PALLD: variants seen among roughly 807,000 people sequenced by gnomAD.
PALLD encodes the protein palladin, cytoskeletal associated protein.
A neutral mutation model predicts 123.5 loss-of-function variants in PALLD; 61 were observed. That is an observed-to-expected ratio of 0.49 (90% CI 0.40 to 0.61). PALLD has a LOEUF of 0.61. Among genes scored for constraint, PALLD ranks in the 20% least tolerant of loss-of-function variants. The pLI is 0.00. For synonymous variants in PALLD, 465 were observed against 496.4 expected, an observed-to-expected ratio of 0.94 and a Z score of 0.84; for missense variants, 1,273 against 1,377.0, an observed-to-expected ratio of 0.92 and a Z score of 1.20.
In PALLD at chr4:168,509,521, G is replaced by A. The variant is rs553830821; in HGVS notation, c.-82-1902G>A. Among the ~76,000 whole-genome samples the A allele has an allele frequency of 2.6e-3, 395 of 152,114 alleles. 2 individuals are homozygous for A. The highest frequency in any genetic ancestry group is 4.1e-3 in the Non-Finnish European group (282 of 68,000). The stretch of plus-strand genomic sequence containing the variant: ...CTGAATATAATTGTTCCTCATATAC[G>A]AGCCATATCTGAATAACTGGAGACC... On this transcript the variant is annotated intron_variant, in intron 1 of 21. Transcript: ENST00000505667.
At chr4:168,867,750 G>T (rs1032042199) in intron 10 of PALLD, among the ~76,000 whole-genome samples, 1 of 151,992 alleles carries the variant, frequency 6.6e-6, no homozygotes, top group South Asian at 2.1e-4. Flanking sequence ...AGATGTTCTT[G>T]TTGGGCCTTT....
chr4:168,647,365 T>C (rs1339774412), intron 2 of PALLD, among the ~76,000 whole-genome samples: 1 of 152,192 alleles, frequency 6.6e-6, no homozygotes, highest in Non-Finnish European at 1.5e-5. Context: ...GTGTTTTTTC[T>C]TAGAGATCAG....
intron 10 of PALLD, among the ~76,000 whole-genome samples, chr4:168,723,284 T>A (rs59711207): frequency 4.1e-3 from 631 of 152,134 alleles, no homozygotes; most frequent in African/African-American, 0.014. Flanking sequence ...GTAGGTGGAG[T>A]GCACCAACTT....
chr4:168,540,232 C>T (rs1765486799), intron 2 of PALLD, among the ~76,000 whole-genome samples: 2 of 152,150 alleles, frequency 1.3e-5, no homozygotes, highest in Admixed American at 6.5e-5. Flanking sequence ...TCGTCATAGG[C>T]GACTACTATC....
intron 2 of PALLD, among the ~76,000 whole-genome samples, chr4:168,621,773 C>T (rs571881459): frequency 1.4e-4 from 21 of 152,266 alleles, no homozygotes; most frequent in Middle Eastern, 3.4e-3. Context: ...CTTTGTTAGG[C>T]GGCAGATAAG....
intron 10 of PALLD, among the ~76,000 whole-genome samples, chr4:168,754,078 A>G (rs756219287): frequency 6.6e-6 from 1 of 152,262 alleles, no homozygotes; most frequent in Non-Finnish European, 1.5e-5. Flanking sequence ...TTTTAAAATA[A>G]GAATGTTATC....
chr4:168,553,623 A>G (rs1010590938), intron 2 of PALLD, among the ~76,000 whole-genome samples: 2 of 152,242 alleles, frequency 1.3e-5, no homozygotes, highest in Admixed American at 6.5e-5. Context: ...ACGTTTGTGT[A>G]TAATGATTCT....
intron 15 of PALLD, 161 bp downstream of exon 15, chr4:168,904,067 A>C (rs1757111018): frequency 1.4e-6 from 1 of 697,364 alleles, no homozygotes; most frequent in African/African-American, 1.8e-5. Context: ...GGATAGAAAA[A>C]TTCTTTGTTT....
chr4:168,670,696 GC>G (rs1580862884), intron 3 of PALLD, among the ~76,000 whole-genome samples: 2 of 141,778 alleles, frequency 1.4e-5, no homozygotes, highest in East Asian at 4.1e-4. Context: ...TTGCGCCACT[GC>G]AGTCCGCAGT....
chr4:168,737,017 A>C lies in PALLD; in HGVS notation c.1964+25094A>C, dbSNP rs544753729. Among the ~76,000 whole-genome samples the C allele has an allele frequency of 5.9e-5, 9 of 152,324 alleles. No homozygotes were observed. In the East Asian group the frequency reaches 1.7e-3, roughly 29 times the overall value. ...GTGTGTGTTCTTCTTTTCAAAAGGC[A>C]GATTTAGGTACCTTTTGGAGCACAA... On this transcript the variant is annotated intron_variant, in intron 10 of 21. Transcript: ENST00000505667.
chr4:168,718,028 A>G (rs1474875701), intron 10 of PALLD, among the ~76,000 whole-genome samples: 1 of 152,216 alleles, frequency 6.6e-6, no homozygotes, highest in African/African-American at 2.4e-5. Flanking sequence ...TGTACTTGAC[A>G]TGTTAACACC....
At chr4:168,698,747 C>G (rs1783399453) in intron 8 of PALLD, among the ~76,000 whole-genome samples, 1 of 152,044 alleles carries the variant, frequency 6.6e-6, no homozygotes, top group Non-Finnish European at 1.5e-5. Flanking sequence ...GGATCTTTTT[C>G]CTAACAGTGA....
intron 2 of PALLD, among the ~76,000 whole-genome samples, chr4:168,579,442 C>T (rs1769995876): frequency 6.6e-6 from 1 of 152,056 alleles, no homozygotes; most frequent in South Asian, 2.1e-4. Context: ...CATAGGAATA[C>T]TCAAACATTG....
At chr4:168,741,264 C>T (rs866673971) in intron 10 of PALLD, among the ~76,000 whole-genome samples, 4 of 152,204 alleles carry the variant, frequency 2.6e-5, no homozygotes, top group South Asian at 4.2e-4. Context: ...TTGTCTTCAT[C>T]GCTATAATAT....
chr4:168,752,533 G>A (rs1420883433), intron 10 of PALLD, among the ~76,000 whole-genome samples: 2 of 152,142 alleles, frequency 1.3e-5, no homozygotes, highest in Admixed American at 6.5e-5. Flanking sequence ...GCAGGAGTGC[G>A]GGTACTAAGA....
intron 14 of PALLD, among the ~76,000 whole-genome samples, chr4:168,903,509 T>C (rs929940566): frequency 1.3e-5 from 2 of 152,118 alleles, no homozygotes; most frequent in Admixed American, 6.5e-5. Flanking sequence ...ATATAAATAA[T>C]ATATGAATGT....
At chr4:168,608,794 G>C (rs1436835623) in intron 2 of PALLD, among the ~76,000 whole-genome samples, 1 of 145,388 alleles carries the variant, frequency 6.9e-6, no homozygotes, top group Non-Finnish European at 1.5e-5. Flanking sequence ...CTACCACTCA[G>C]ATCAGTGAAA....
At chr4:168,856,141 G>A (rs542811210) in intron 10 of PALLD, among the ~76,000 whole-genome samples, 10 of 152,252 alleles carry the variant, frequency 6.6e-5, no homozygotes, top group South Asian at 2.1e-4. Context: ...TAATGGCCTC[G>A]AGCTGCATCC....
intron 10 of PALLD, among the ~76,000 whole-genome samples, chr4:168,740,904 GA>G (rs1317238603): frequency 1.3e-5 from 2 of 152,190 alleles, no homozygotes; most frequent in Admixed American, 1.3e-4. Flanking sequence ...AAAATCCTTT[GA>G]AAATGTTCTG....
Sources: allele counts gnomAD v4.1 joint callset (sites outside exome capture counted in the v4.1 genomes callset), GRCh38; gene constraint gnomAD v4.1.1; transcripts MANE v1.5; gene names NCBI Gene and HGNC (gene_info 2026-07-23, HGNC 2026-07-21).